SLIT3: variants seen among roughly 807,000 people sequenced by gnomAD.
SLIT3 encodes the protein slit guidance ligand 3.
In SLIT3, 68 loss-of-function variants were observed where a neutral mutation model predicts 184.0. The observed-to-expected ratio is 0.37, with a 90% confidence interval of 0.30 to 0.45. SLIT3 has a LOEUF of 0.45. SLIT3 is among the 20% of genes least tolerant of loss of function. SLIT3 has a pLI of 1.00. For missense variants in SLIT3, 1,707 were observed against 2,026.0 expected, an observed-to-expected ratio of 0.84 and a Z score of 3.02; for synonymous variants, 831 against 828.6, an observed-to-expected ratio of 1.00 and a Z score of -0.05.
intron 6 of SLIT3, among the ~76,000 whole-genome samples, chr5:168,828,170 C>CA (rs1237964999): frequency 6.6e-6 from 1 of 152,192 alleles, no homozygotes; most frequent in Non-Finnish European, 1.5e-5. Flanking sequence ...CATTGGGATT[C>CA]AAAAGCAGGT....
At chr5:168,935,916 G>A (rs1167777346) in intron 4 of SLIT3, among the ~76,000 whole-genome samples, 1 of 152,160 alleles carries the variant, frequency 6.6e-6, no homozygotes, top group African/African-American at 2.4e-5. Context: ...CATTAAAGAA[G>A]CAAATCTGTT....
At chr5:169,072,416 C>A (rs1420246655) in intron 4 of SLIT3, among the ~76,000 whole-genome samples, 1 of 152,188 alleles carries the variant, frequency 6.6e-6, no homozygotes, top group Non-Finnish European at 1.5e-5. Flanking sequence ...TGGAGAGGAG[C>A]AAATGACTTC....
intron 4 of SLIT3, among the ~76,000 whole-genome samples, chr5:169,089,044 A>C (rs1230984368): frequency 6.9e-6 from 1 of 145,412 alleles, no homozygotes; most frequent in Admixed American, 6.8e-5. Flanking sequence ...AAAAAAAAAA[A>C]AAAAAAAAAA....
At chr5:168,686,906 CCT>C in intron 30 of SLIT3, 71 bp downstream of exon 30, 1 of 1,574,496 alleles carries the variant, frequency 6.4e-7, no homozygotes, top group South Asian at 1.1e-5. Context: ...ATTCTGGCCA[CCT>C]TAGCCAGTCA....
intron 4 of SLIT3, among the ~76,000 whole-genome samples, chr5:169,173,095 C>T (rs190878121): frequency 6.6e-6 from 1 of 152,226 alleles, no homozygotes; most frequent in Non-Finnish European, 1.5e-5. Context: ...AACCCCGTCT[C>T]TACTAAAAAT....
intron 4 of SLIT3, among the ~76,000 whole-genome samples, chr5:169,184,191 T>C (rs1042069069): frequency 2.0e-5 from 3 of 152,248 alleles, no homozygotes; most frequent in African/African-American, 7.2e-5. Context: ...TATATACTCA[T>C]ATGCGCTTAT....
chr5:169,141,627 T>C (rs1761743959), intron 4 of SLIT3, among the ~76,000 whole-genome samples: 1 of 151,720 alleles, frequency 6.6e-6, no homozygotes, highest in Non-Finnish European at 1.5e-5. Context: ...TAGTCCCAGC[T>C]ACTCTGGAGG....
chr5:168,839,072 A>C (rs1172549622), intron 6 of SLIT3, among the ~76,000 whole-genome samples: 1 of 152,122 alleles, frequency 6.6e-6, no homozygotes, highest in African/African-American at 2.4e-5. Context: ...GGCAATTTGG[A>C]GACTAGTTTA....
chr5:168,711,106 T>A (rs1244326818), intron 24 of SLIT3, 48 bp from the exon 25 acceptor site: 1 of 1,467,416 alleles, frequency 6.8e-7, no homozygotes, highest in African/African-American at 1.4e-5. Flanking sequence ...GCTTGGCCAG[T>A]AGCCTTCATA....
intron 4 of SLIT3, among the ~76,000 whole-genome samples, chr5:168,892,498 G>T (rs945272420): frequency 2.0e-5 from 3 of 152,210 alleles, no homozygotes; most frequent in African/African-American, 7.2e-5. Flanking sequence ...AAGACTGCTT[G>T]GGGGTTCTGA....
chr5:168,692,591 C>A lies in SLIT3; in HGVS notation c.3176+16G>T. On this transcript the variant is annotated intron_variant, in intron 29 of 35. Transcript: ENST00000519560. The stretch of plus-strand genomic sequence containing the variant: ...TTTCATGGACTCTGTGCTGGGGGCA[C>A]GAAGCCAGGTCTTACCTGAATCCTT... 6.2e-7 allele frequency: 1 copy of A among 1,600,528 alleles called. No individual in the cohort carries two copies. Among genetic ancestry groups the A allele is most frequent in the Non-Finnish European group, 8.6e-7 (1 of 1,168,674 alleles).
chr5:169,134,241 G>C (rs1242352763), intron 4 of SLIT3, among the ~76,000 whole-genome samples: 2 of 152,194 alleles, frequency 1.3e-5, no homozygotes, highest in Admixed American at 1.3e-4. Flanking sequence ...CTTCTCAATG[G>C]CTACTCACTG....
At chr5:168,969,641 G>C (rs1274183952) in intron 4 of SLIT3, among the ~76,000 whole-genome samples, 1 of 152,226 alleles carries the variant, frequency 6.6e-6, no homozygotes, top group Non-Finnish European at 1.5e-5. Context: ...AACACATCTA[G>C]ATGGTTTTCT....
intron 4 of SLIT3, among the ~76,000 whole-genome samples, chr5:168,948,192 C>T (rs1011358364): frequency 6.6e-6 from 1 of 152,138 alleles, no homozygotes; most frequent in Non-Finnish European, 1.5e-5. Context: ...GACGCGCCAC[C>T]CCAGCAACAC....
chr5:168,842,633 A>G (rs1483078236), intron 6 of SLIT3, among the ~76,000 whole-genome samples: 1 of 152,058 alleles, frequency 6.6e-6, no homozygotes, highest in Non-Finnish European at 1.5e-5. Context: ...TCTGTTTTTA[A>G]AAGTTGGGGA....
intron 3 of SLIT3, among the ~76,000 whole-genome samples, chr5:169,204,201 G>A (rs886356046): frequency 2.0e-5 from 3 of 152,054 alleles, no homozygotes; most frequent in African/African-American, 7.2e-5. Flanking sequence ...GGGAGATAGG[G>A]AGGGAGGGAG....
intron 4 of SLIT3, among the ~76,000 whole-genome samples, chr5:169,177,717 C>T (rs1189849558): frequency 1.3e-5 from 2 of 151,854 alleles, no homozygotes; most frequent in Non-Finnish European, 2.9e-5. Flanking sequence ...CTGACTTTAG[C>T]TTTTTAACTT....
intron 4 of SLIT3, among the ~76,000 whole-genome samples, chr5:168,950,349 T>C (rs935132486): frequency 6.6e-6 from 1 of 152,192 alleles, no homozygotes; most frequent in Non-Finnish European, 1.5e-5. Flanking sequence ...AAGTTCTAAG[T>C]CACCCAGTCT....
At chr5:168,945,011 A>C (rs78485914) in intron 4 of SLIT3, among the ~76,000 whole-genome samples, 2,124 of 152,250 alleles carry the variant, frequency 0.014, 62 homozygotes, top group East Asian at 0.13. Flanking sequence ...CACCCGAGGA[A>C]AGGAAGAGGA....
Sources: allele counts gnomAD v4.1 joint callset (sites outside exome capture counted in the v4.1 genomes callset), GRCh38; gene constraint gnomAD v4.1.1; transcripts MANE v1.5; gene names NCBI Gene and HGNC (gene_info 2026-07-23, HGNC 2026-07-21).